Variants in IQSEC1 observed in about 807,000 individuals in gnomAD.
The protein encoded by IQSEC1 is IQ motif and Sec7 domain ArfGEF 1, also known as IQ motif and SEC7 domain-containing protein 1.
A neutral mutation model predicts 91.0 loss-of-function variants in IQSEC1; 31 were observed. The observed-to-expected ratio is 0.34, with a 90% confidence interval of 0.26 to 0.46. The LOEUF (loss-of-function observed/expected upper bound fraction) is 0.46. IQSEC1 is among the 20% of genes least tolerant of loss of function. The pLI, the probability that IQSEC1 is intolerant of heterozygous loss-of-function variation, is 1.00. For synonymous variants in IQSEC1, 699 were observed against 662.6 expected, an observed-to-expected ratio of 1.05 and a Z score of -0.84; for missense variants, 1,388 against 1,575.6, an observed-to-expected ratio of 0.88 and a Z score of 2.02.
intron 2 of IQSEC1, among the ~76,000 whole-genome samples, chr3:13,137,230 T>C (rs1003620928): frequency 1.3e-5 from 2 of 152,162 alleles, no homozygotes; most frequent in Admixed American, 6.5e-5. Context: ...AAAGCAGATA[T>C]GAGAAAATCT....
intron 2 of IQSEC1, among the ~76,000 whole-genome samples, chr3:13,087,810 C>T (rs1414624736): frequency 6.6e-6 from 1 of 152,200 alleles, no homozygotes; most frequent in Non-Finnish European, 1.5e-5. Flanking sequence ...GGCCACCCTG[C>T]TGCATCCTCC....
At chr3:13,130,445 A>C (rs1418802567) in intron 2 of IQSEC1, among the ~76,000 whole-genome samples, 1 of 151,916 alleles carries the variant, frequency 6.6e-6, no homozygotes, top group Non-Finnish European at 1.5e-5. Context: ...ACTTTGTGTG[A>C]CTTGAATCCT....
chr3:13,022,863 G>T (rs924320054), intron 1 of IQSEC1, among the ~76,000 whole-genome samples: 3 of 152,228 alleles, frequency 2.0e-5, no homozygotes, highest in Non-Finnish European at 4.4e-5. Flanking sequence ...ACGGTTTCCA[G>T]CTCTGGCTGG....
chr3:13,080,301 T>G (rs1705628893), intron 2 of IQSEC1, among the ~76,000 whole-genome samples: 1 of 149,390 alleles, frequency 6.7e-6, no homozygotes, highest in African/African-American at 2.5e-5. Context: ...GGCATGAGAG[T>G]GGGGATGCAG....
chr3:13,147,778 G>T (rs973785848), intron 2 of IQSEC1, among the ~76,000 whole-genome samples: 2 of 152,150 alleles, frequency 1.3e-5, no homozygotes, highest in African/African-American at 4.8e-5. Flanking sequence ...TACCACAGGC[G>T]CATGCCACCA....
At chr3:13,031,089 C>T (rs970564496) in intron 1 of IQSEC1, among the ~76,000 whole-genome samples, 1 of 152,336 alleles carries the variant, frequency 6.6e-6, no homozygotes, top group Admixed American at 6.5e-5. Flanking sequence ...ACAATGTTAC[C>T]GAGTTTCACA....
chr3:12,921,660 C>T (rs1181538089), intron 5 of IQSEC1, among the ~76,000 whole-genome samples: 5 of 152,052 alleles, frequency 3.3e-5, no homozygotes, highest in Middle Eastern at 3.4e-3. Flanking sequence ...GCCACAGAGC[C>T]GGTAAGTGGT....
chr3:13,234,224 G>GTGTCTGTGCCTGTGGGTGTGAGCCCCCA (rs1694883625), intron 1 of IQSEC1, among the ~76,000 whole-genome samples: 1 of 148,340 alleles, frequency 6.7e-6, no homozygotes, highest in African/African-American at 2.5e-5. Context: ...GTGAGCCCCC[G>GTGTCTGTGCCTGTGGGTGTGAGCCCCCA]TGTCTGTGCC....
chr3:13,264,729 G>C (rs956042814), intron 1 of IQSEC1, among the ~76,000 whole-genome samples: 1 of 151,840 alleles, frequency 6.6e-6, no homozygotes, highest in Non-Finnish European at 1.5e-5. Flanking sequence ...GGAGGAGAGG[G>C]CAGGAGGGTC....
At chr3:12,902,670 CAAAAAAAAAAAA>C (rs1213830618) in intron 13 of IQSEC1, 91 bp downstream of exon 13, 5 of 191,022 alleles carry the variant, frequency 2.6e-5, no homozygotes, top group African/African-American at 7.0e-5. Flanking sequence ...AAAAAAAAAC[CAAAAAAAAAAAA>C]AAAAAAAAAA....
chr3:13,271,237 C>T (rs572762487), intron 1 of IQSEC1, among the ~76,000 whole-genome samples: 144 of 152,082 alleles, frequency 9.5e-4, no homozygotes, highest in African/African-American at 3.3e-3. Flanking sequence ...ATTAGCCAGA[C>T]GTGGTGGCAG....
At chr3:13,152,610 C>T (rs977850872) in intron 2 of IQSEC1, among the ~76,000 whole-genome samples, 5 of 152,196 alleles carry the variant, frequency 3.3e-5, no homozygotes, top group African/African-American at 1.2e-4. Context: ...GTGGCTCACG[C>T]CTATAATCCC....
intron 1 of IQSEC1, among the ~76,000 whole-genome samples, chr3:13,011,670 G>A (rs992034567): frequency 6.6e-6 from 1 of 152,220 alleles, no homozygotes; most frequent in African/African-American, 2.4e-5. Context: ...TCACAGGCAG[G>A]TGGCTGTCCA....
chr3:13,071,153 G>GTTTTTTTTTT (rs796412810), intron 1 of IQSEC1, among the ~76,000 whole-genome samples: 49 of 90,972 alleles, frequency 5.4e-4, no homozygotes, highest in East Asian at 8.4e-4. Context: ...GTTTTTTTTT[G>GTTTTTTTTTT]TTTTTTTTTT....
chr3:13,136,609 G>C (rs1440660058), intron 2 of IQSEC1, among the ~76,000 whole-genome samples: 1 of 152,190 alleles, frequency 6.6e-6, no homozygotes, highest in Non-Finnish European at 1.5e-5. Context: ...GATTACAAAG[G>C]CTAATCGGGC....
chr3:12,923,377 TCA>T (rs1696809278), intron 4 of IQSEC1, among the ~76,000 whole-genome samples: 2 of 152,096 alleles, frequency 1.3e-5, no homozygotes, highest in African/African-American at 4.8e-5. Flanking sequence ...GGACCTTTCC[TCA>T]CGCCTGCTTC....
intron 2 of IQSEC1, among the ~76,000 whole-genome samples, chr3:13,142,559 C>T (rs747632080): frequency 1.3e-5 from 2 of 151,798 alleles, no homozygotes; most frequent in South Asian, 2.1e-4. Flanking sequence ...GCCTGCTTTC[C>T]GATCCTCCAA....
rs540066834 is a variant in IQSEC1 at position 13,066,988 on chromosome 3, C to T, written c.23+6004G>A. ...CCTGGCAGACACCACTCCTCCCACTCCCAGTCCCCTGTGTGTCGCAGCATA... is the reference window on the plus strand; with the variant it reads ...CCTGGCAGACACCACTCCTCCCACTTCCAGTCCCCTGTGTGTCGCAGCATA... On this transcript the variant is annotated intron_variant, in intron 1 of 13. Transcript: ENST00000613206. Among the ~76,000 whole-genome samples the T allele has an allele frequency of 2.0e-5, 3 of 152,356 alleles. No homozygotes were observed. In the East Asian group the frequency reaches 5.8e-4, roughly 29 times the overall value.
rs530626810 is a variant in IQSEC1 at position 12,979,835 on chromosome 3, C to T, written c.24-37970G>A. ...CTGTGCCTCACCCGGAATCGTTTCGCGGCCTGGATCTCATACTTCCTGAAA... is the reference window on the plus strand; with the variant it reads ...CTGTGCCTCACCCGGAATCGTTTCGTGGCCTGGATCTCATACTTCCTGAAA... On this transcript the variant is annotated intron_variant, in intron 1 of 13. Coordinates refer to ENST00000613206, the MANE Select transcript of IQSEC1 (RefSeq NM_001134382.3). This position sits in a 1 kb window ranked among gnomAD's most constrained non-coding sequence, Gnocchi z 4.3. Among the ~76,000 whole-genome samples the T allele has an allele frequency of 5.3e-5, 8 of 152,238 alleles. No homozygotes were observed. Among genetic ancestry groups the T allele is most frequent in the South Asian group, 2.1e-4 (1 of 4,820 alleles).
Sources: allele counts gnomAD v4.1 joint callset (sites outside exome capture counted in the v4.1 genomes callset), GRCh38; gene constraint gnomAD v4.1.1; non-coding constraint Gnocchi (gnomAD v3.1); transcripts MANE v1.5; gene names NCBI Gene and HGNC (gene_info 2026-07-23, HGNC 2026-07-21).